The following GRIN2A variants were observed in gnomAD, a reference collection of about 807,000 sequenced individuals.
GRIN2A encodes the protein glutamate ionotropic receptor NMDA type subunit 2A, also known as glutamate receptor ionotropic, NMDA 2A.
GRIN2A carries 22 observed loss-of-function variants against 113.4 expected under a neutral mutation model. The ratio of observed to expected loss-of-function variants is 0.19; its 90% CI spans 0.14 to 0.28. The LOEUF is 0.28. Among genes scored for constraint, GRIN2A ranks in the 10% least tolerant of loss-of-function variants. GRIN2A has a pLI of 1.00. For missense variants in GRIN2A, 1,502 were observed against 1,887.0 expected, an observed-to-expected ratio of 0.80 and a Z score of 3.78; for synonymous variants, 827 against 738.4, an observed-to-expected ratio of 1.12 and a Z score of -1.94.
chr16:9,912,735 T>G (rs1357410339), intron 3 of GRIN2A, among the ~76,000 whole-genome samples: 1 of 152,198 alleles, frequency 6.6e-6, no homozygotes, highest in Non-Finnish European at 1.5e-5. Context: ...GTAGAGAGCC[T>G]GGAACATAGT....
chr16:10,155,825 C>T (rs956844628), intron 2 of GRIN2A, among the ~76,000 whole-genome samples: 16 of 152,162 alleles, frequency 1.1e-4, no homozygotes, highest in African/African-American at 3.9e-4. Flanking sequence ...GACTTATTCA[C>T]TATCACGAAA....
In GRIN2A at chr16:10,119,212, A is replaced by G. The variant is rs1028966077; in HGVS notation, c.414+60786T>C. The stretch of plus-strand genomic sequence containing the variant: ...AAGCCCATTGGCTTTAAAACCCAGC[A>G]GAATTCAGTAGGAGGAGGAAGATGG... On this transcript the variant is annotated intron_variant, in intron 2 of 12. Transcript: ENST00000330684. Among the ~76,000 whole-genome samples the G allele has an allele frequency of 6.6e-5, 10 of 152,236 alleles. 1 individual carries two copies. The highest frequency in any genetic ancestry group is 1.2e-4 in the Non-Finnish European group (8 of 68,040).
At chr16:10,125,875 G>T (rs1167495443) in intron 2 of GRIN2A, among the ~76,000 whole-genome samples, 3 of 152,020 alleles carry the variant, frequency 2.0e-5, no homozygotes, top group Non-Finnish European at 4.4e-5. Context: ...CAGCTCCCTA[G>T]AGTACAGCGA....
At chr16:9,810,355 C>T (rs1008531179) in intron 10 of GRIN2A, among the ~76,000 whole-genome samples, 1 of 152,196 alleles carries the variant, frequency 6.6e-6, no homozygotes, top group African/African-American at 2.4e-5. Context: ...GGATACCTAT[C>T]AGGAGGTGAT....
At chr16:10,156,108 C>G (rs1363423206) in intron 2 of GRIN2A, among the ~76,000 whole-genome samples, 2 of 152,198 alleles carry the variant, frequency 1.3e-5, no homozygotes, top group Non-Finnish European at 2.9e-5. Flanking sequence ...TCCTGCCCAT[C>G]TGCCCACTCT....
chr16:9,890,777 C>T (rs1399490647), intron 4 of GRIN2A, among the ~76,000 whole-genome samples: 1 of 152,212 alleles, frequency 6.6e-6, no homozygotes, highest in Non-Finnish European at 1.5e-5. Context: ...CAGCGCACCA[C>T]ACAATTACCA....
chr16:10,135,915 A>C (rs972791859), intron 2 of GRIN2A, among the ~76,000 whole-genome samples: 2 of 152,154 alleles, frequency 1.3e-5, no homozygotes, highest in African/African-American at 4.8e-5. Flanking sequence ...CTGAGTACAG[A>C]CTGTAGCCCC....
intron 4 of GRIN2A, among the ~76,000 whole-genome samples, chr16:9,884,274 C>T (rs1035611144): frequency 3.3e-5 from 5 of 152,130 alleles, no homozygotes; most frequent in African/African-American, 7.2e-5. Flanking sequence ...TAAGGCCAGG[C>T]GCAGTGGCTC....
At chr16:9,845,508 G>A (rs148917454) in intron 5 of GRIN2A, among the ~76,000 whole-genome samples, 11 of 152,116 alleles carry the variant, frequency 7.2e-5, no homozygotes, top group African/African-American at 2.7e-4. Flanking sequence ...TTCTTCATCG[G>A]GCCAAGTTCT....
At chr16:10,077,908 G>T (rs529868339) in intron 2 of GRIN2A, among the ~76,000 whole-genome samples, 1 of 152,050 alleles carries the variant, frequency 6.6e-6, no homozygotes, top group South Asian at 2.1e-4. Flanking sequence ...TATCTCTGAC[G>T]TTTCTTGTCT....
chr16:9,987,264 A>G (rs1043218753), intron 2 of GRIN2A, among the ~76,000 whole-genome samples: 2 of 152,228 alleles, frequency 1.3e-5, no homozygotes, highest in Non-Finnish European at 2.9e-5. Flanking sequence ...CATTAGGCCA[A>G]TACAGATGGC....
intron 4 of GRIN2A, among the ~76,000 whole-genome samples, chr16:9,885,368 C>T (rs1013518540): frequency 3.9e-5 from 6 of 152,146 alleles, no homozygotes; most frequent in Non-Finnish European, 7.3e-5. Context: ...ACTCATCAAA[C>T]TCTAAGGCAG....
chr16:9,831,216 T>C (rs1254781629), intron 8 of GRIN2A, among the ~76,000 whole-genome samples: 1 of 152,174 alleles, frequency 6.6e-6, no homozygotes, highest in Non-Finnish European at 1.5e-5. Flanking sequence ...TTTACAATAG[T>C]CTTTCCAGCA....
intron 2 of GRIN2A, among the ~76,000 whole-genome samples, chr16:10,115,194 A>C (rs186457110): frequency 2.6e-5 from 4 of 152,064 alleles, no homozygotes; most frequent in African/African-American, 9.6e-5. Flanking sequence ...TGTAGAATAC[A>C]TGGACTTTGT....
intron 2 of GRIN2A, among the ~76,000 whole-genome samples, chr16:10,149,041 G>C (rs2049506880): frequency 6.6e-6 from 1 of 152,234 alleles, no homozygotes; most frequent in South Asian, 2.1e-4. Context: ...CACAGACAGA[G>C]AGAGTAGTGC....
intron 3 of GRIN2A, among the ~76,000 whole-genome samples, chr16:9,926,318 CTTTGT>C (rs1264695765): frequency 1.3e-5 from 2 of 152,166 alleles, no homozygotes; most frequent in Non-Finnish European, 2.9e-5. Context: ...GTTCATTTTA[CTTTGT>C]TTTGAGAAAA....
intron 2 of GRIN2A, among the ~76,000 whole-genome samples, chr16:10,098,309 A>C (rs991861001): frequency 6.6e-6 from 1 of 152,182 alleles, no homozygotes; most frequent in Non-Finnish European, 1.5e-5. Flanking sequence ...AAAAATAGAC[A>C]TTGGCATGGA....
At chr16:10,018,427 C>T (rs983082630) in intron 2 of GRIN2A, among the ~76,000 whole-genome samples, 1 of 152,134 alleles carries the variant, frequency 6.6e-6, no homozygotes, top group Non-Finnish European at 1.5e-5. Context: ...GTGACAGAAG[C>T]CCCTGGAGAA....
At chr16:9,894,079 G>A (rs959998780) in intron 3 of GRIN2A, among the ~76,000 whole-genome samples, 4 of 152,156 alleles carry the variant, frequency 2.6e-5, no homozygotes, top group African/African-American at 9.7e-5. Flanking sequence ...GGGCTTCCCA[G>A]GGAATCTTAA....
Sources: allele counts gnomAD v4.1 joint callset (sites outside exome capture counted in the v4.1 genomes callset), GRCh38; gene constraint gnomAD v4.1.1; transcripts MANE v1.5; gene names NCBI Gene and HGNC (gene_info 2026-07-23, HGNC 2026-07-21).